EMX2: variants seen among roughly 807,000 people sequenced by gnomAD.
EMX2 encodes homeobox protein EMX2.
EMX2 carries 6 observed loss-of-function variants against 23.0 expected under a neutral mutation model. The observed-to-expected ratio is 0.26, with a 90% confidence interval of 0.14 to 0.52. The LOEUF is 0.52. Among genes scored for constraint, EMX2 ranks in the 20% least tolerant of loss-of-function variants. The pLI is 0.97. For missense variants in EMX2, 302 were observed against 341.4 expected (o/e 0.88, Z 0.91); for synonymous variants, 175 against 153.3 (o/e 1.14, Z -1.04).
chr10:117,545,939 G>T, intron 2 of EMX2, 123 bp downstream of exon 2: 1 of 1,371,146 alleles, frequency 7.3e-7, no homozygotes, highest in Non-Finnish European at 1.0e-6. Flanking sequence ...CTGGTAGCTG[G>T]TTCCACGCCT....
intron 1 of EMX2, 115 bp from the exon 2 acceptor site, chr10:117,545,517 G>T: frequency 1.5e-6 from 2 of 1,304,096 alleles, no homozygotes; most frequent in Non-Finnish European, 2.1e-6. Flanking sequence ...CAGGTCGAGC[G>T]GCGCGGCTAT....
At chr10:117,546,514 C>T (rs931756398) in intron 2 of EMX2, among the ~76,000 whole-genome samples, 5 of 132,918 alleles carry the variant, frequency 3.8e-5, no homozygotes, top group African/African-American at 1.4e-4. Context: ...CAAACAGTAA[C>T]GTTTTTTTGG....
At chr10:117,544,135 T>C (rs2133968338) in intron 1 of EMX2, among the ~76,000 whole-genome samples, 1 of 152,344 alleles carries the variant, frequency 6.6e-6, no homozygotes, top group East Asian at 1.9e-4. Flanking sequence ...GCCCCTTCAG[T>C]CCAGACCCGC....
Position 117,543,415 on chromosome 10 carries a change from G to T in EMX2, c.148G>T (p.Gly50Cys). 1 of 1,594,442 alleles carries T rather than the reference G, an allele frequency of 6.3e-7. No individual in the cohort carries two copies. The highest frequency in any genetic ancestry group is 8.5e-7 in the Non-Finnish European group (1 of 1,171,328). The change falls in exon 1 of 3, where the codon GGC (glycine) becomes TGC (cysteine). Residue 50 changes from glycine to cysteine, a missense_variant. Gly to Cys is a radical substitution (Grantham distance 159). Around this residue, in one of 4 missense-constraint regions of EMX2, gnomAD observed 221 missense variants for 206.8 expected, o/e 1.07. Coordinates refer to ENST00000553456, the MANE Select transcript of EMX2 (RefSeq NM_004098.4). ...NSSPINPFLN[G>C]FHSAAAAAAG... ...CAGCCCCATAAATCCGTTCCTCAAC[G>T]GCTTCCACTCGGCCGCCGCCGCCGC... is the stretch of plus-strand genomic sequence containing the variant.
intron 1 of EMX2, chr10:117,545,134 G>T (rs1173023205): frequency 6.5e-6 from 1 of 153,492 alleles, no homozygotes; most frequent in East Asian, 1.9e-4. Flanking sequence ...TACTTTTCCG[G>T]AGGGGCAATA....
chr10:117,548,010 T>G, intron 2 of EMX2, 55 bp from the exon 3 acceptor site: 1 of 1,563,936 alleles, frequency 6.4e-7, no homozygotes, highest in Non-Finnish European at 8.7e-7. Flanking sequence ...ATCAGGCACT[T>G]GATAGAAGGG....
intron 1 of EMX2, among the ~76,000 whole-genome samples, chr10:117,543,956 G>T (rs1251633546): frequency 6.6e-6 from 1 of 152,224 alleles, no homozygotes; most frequent in Non-Finnish European, 1.5e-5. Flanking sequence ...AATCAGAGCA[G>T]GCTGGGCTGT....
chr10:117,545,040 G>C (rs1196208434), intron 1 of EMX2: 1 of 152,164 alleles, frequency 6.6e-6, no homozygotes, highest in Non-Finnish European at 1.5e-5. Context: ...CCCAGTTCGC[G>C]AGAGGCAGCA....
rs1232635094 is a variant in EMX2, at chr10:117,548,596, A to G, written c.*364A>G. On this transcript the variant is annotated 3_prime_UTR_variant, in exon 3 of 3. Coordinates refer to ENST00000553456, the MANE Select transcript of EMX2 (RefSeq NM_004098.4). Reference sequence around the variant, plus strand: ...AGAAAGCTGAACGTGCACTCTGACAAGGGGAGCTGTCAATCAAACACCAAA... The same window carrying G: ...AGAAAGCTGAACGTGCACTCTGACAGGGGGAGCTGTCAATCAAACACCAAA... The G allele has an allele frequency of 2.0e-6, 1 of 503,908 alleles. No homozygotes were observed. The highest frequency in any genetic ancestry group is 3.5e-6 in the Non-Finnish European group (1 of 289,334). 31.2% of individuals were successfully genotyped at this position (503,908 alleles called of 1,614,324 possible). A position where few individuals can be genotyped will look rare whatever the true frequency, so the allele number is the denominator to read the frequency against.
chr10:117,545,516 C>G (rs887572225), intron 1 of EMX2, 116 bp from the exon 2 acceptor site: 1 of 1,287,724 alleles, frequency 7.8e-7, no homozygotes, highest in South Asian at 1.4e-5. Context: ...GCAGGTCGAG[C>G]GGCGCGGCTA....
intron 2 of EMX2, 32 bp from the exon 3 acceptor site, chr10:117,548,033 A>T (rs374190879): frequency 1.9e-6 from 3 of 1,591,996 alleles, no homozygotes; most frequent in Non-Finnish European, 8.6e-7. Context: ...CTCTGAAAGA[A>T]CTAACGCACC....
chr10:117,544,071 C>A (rs1383818215), intron 1 of EMX2, among the ~76,000 whole-genome samples: 1 of 152,240 alleles, frequency 6.6e-6, no homozygotes, highest in East Asian at 1.9e-4. Context: ...GGACAGGACT[C>A]GGCCGCCAGG....
At position 117,549,130 on chromosome 10, in the gene EMX2, A is replaced by T. The variant is rs1002819376; in HGVS notation, c.*898A>T. The T allele has an allele frequency of 6.5e-6, 1 of 153,716 alleles. No individual in the cohort carries two copies. Among genetic ancestry groups the T allele is most frequent in the South Asian group, 2.1e-4 (1 of 4,824 alleles). The allele number at this position is 153,716 out of a possible 1,614,324, so 9.5% of individuals were successfully genotyped here. A position where few individuals can be genotyped will look rare whatever the true frequency, so the allele number is the denominator to read the frequency against. ...AATCAGGACTTGTACTGGGAAAAAA[A>T]CCCCTAAATTAATTATATTTCTTGG... On this transcript the variant is annotated 3_prime_UTR_variant, in exon 3 of 3. Coordinates refer to ENST00000553456, the MANE Select transcript of EMX2 (RefSeq NM_004098.4).
At chr10:117,543,939 G>A (rs1278137344) in intron 1 of EMX2, among the ~76,000 whole-genome samples, 1 of 152,216 alleles carries the variant, frequency 6.6e-6, no homozygotes, top group Non-Finnish European at 1.5e-5. Flanking sequence ...GTCCCCCAGT[G>A]CGCTCGAATC....
intron 1 of EMX2, 73 bp downstream of exon 1, chr10:117,543,746 T>A (rs1846532932): frequency 6.2e-7 from 1 of 1,609,134 alleles, no homozygotes; most frequent in South Asian, 1.1e-5. Context: ...CTGCTCCGGG[T>A]GGGCGCTTGG....
At position 117,543,521 on chromosome 10, in the gene EMX2, T is replaced by G. The variant is rs762141298; in HGVS notation, c.254T>G (p.Val85Gly). The change falls in exon 1 of 3, where the codon GTG (valine) becomes GGG (glycine). Residue 85 changes from valine to glycine, a missense_variant. By Grantham distance (109) the Val-to-Gly change is moderately radical. Transcript: ENST00000553456. The part of the protein sequence containing the change: ...VSHPPNPAVP[V>G]HPVPPPHALA... ...CACCCGCCCAACCCCGCCGTGCCAG[T>G]GCACCCGGTGCCGCCGCCGCACGCC... 19 of 1,606,004 alleles carry G rather than the reference T, an allele frequency of 1.2e-5. No homozygotes were observed.
chr10:117,545,602 C>G lies in EMX2; in HGVS notation c.407-30C>G, dbSNP rs749970557. Reference sequence around the variant, plus strand: ...GCGGCTCCGGTCAGAGCAGCCCCCCCTAATGGGATTTCTGCTGTGCTCCCC... The same window carrying G: ...GCGGCTCCGGTCAGAGCAGCCCCCCGTAATGGGATTTCTGCTGTGCTCCCC... On this transcript the variant is annotated intron_variant, in intron 1 of 2. Coordinates refer to ENST00000553456, the MANE Select transcript of EMX2 (RefSeq NM_004098.4). The G allele has an allele frequency of 1.1e-5, 18 of 1,613,380 alleles. No individual in the cohort carries two copies. In the East Asian group the frequency reaches 1.8e-4, roughly 16 times the overall value.
intron 1 of EMX2, 55 bp downstream of exon 1, chr10:117,543,728 C>T (rs1846532634): frequency 1.9e-6 from 3 of 1,611,716 alleles, no homozygotes; most frequent in East Asian, 2.2e-5. Flanking sequence ...TCCTTCACTG[C>T]CCCCGGCCTG....
chr10:117,543,766 G>A lies in EMX2; in HGVS notation c.406+93G>A, dbSNP rs1846533242. 3.8e-6 allele frequency: 6 copies of A among 1,593,550 alleles called. No individual in the cohort carries two copies. In the Admixed American group the frequency reaches 1.0e-4, roughly 27 times the overall value. On this transcript the variant is annotated intron_variant, in intron 1 of 2. Transcript: ENST00000553456. ...CCGGGTGGGCGCTTGGCAAGGCCTGGGCGGAGGTTCCTCCGGCTCGCGGGC... is the reference window on the plus strand; with the variant it reads ...CCGGGTGGGCGCTTGGCAAGGCCTGAGCGGAGGTTCCTCCGGCTCGCGGGC...
Sources: gnomAD v4.1 joint callset for allele counts (sites outside exome capture counted in the v4.1 genomes callset) on GRCh38, gnomAD v4.1.1 for gene constraint, gnomAD v4.1.1 regional missense constraint, MANE v1.5 for transcripts, NCBI Gene and HGNC (gene_info 2026-07-23, HGNC 2026-07-21) for gene names.